The following CTNS variants were observed in gnomAD, a reference collection of about 807,000 sequenced individuals.
CTNS encodes cystinosin.
In CTNS, 27 loss-of-function variants were observed where a neutral mutation model predicts 43.7. The observed-to-expected ratio is 0.62, with a 90% CI of 0.46 to 0.85. CTNS has a LOEUF of 0.85. Among genes scored for constraint, CTNS ranks in the 40% least tolerant of loss-of-function variants. The pLI is 0.00. For synonymous variants in CTNS, 187 were observed against 190.6 expected (o/e 0.98, Z 0.16); for missense variants, 457 against 475.4 (o/e 0.96, Z 0.36).
intron 7 of CTNS, 104 bp downstream of exon 7, chr17:3,655,456 CTGTCTGCCTACCCTTT>C: frequency 2.0e-6 from 3 of 1,526,510 alleles, no homozygotes; most frequent in Non-Finnish European, 2.7e-6. Context: ...CTCTACCCTT[CTGTCTGCCTACCCTTT>C]CCAGAAAGTT....
Position 3,662,596 on chromosome 17 carries a change from G to A in CTNS, c.*2227G>A, listed in dbSNP as rs1255090709. 6.6e-6 allele frequency among the ~76,000 whole-genome samples: 1 copy of A among 152,158 alleles called. No homozygotes were observed. The highest frequency in any genetic ancestry group is 1.5e-5 in the Non-Finnish European group (1 of 68,012). ...CCCAGGTGGGAGCTGAGGCTAGGTT[G>A]CAAAAAGGAGGTTGGGAGCAAGTAG... On this transcript the variant is annotated 3_prime_UTR_variant, in exon 12 of 12. Coordinates refer to ENST00000046640, the MANE Select transcript of CTNS (RefSeq NM_004937.3).
chr17:3,641,359 C>T (rs9904721), intron 3 of CTNS, among the ~76,000 whole-genome samples: 561 of 21,086 alleles, frequency 0.027, 44 homozygotes, highest in South Asian at 0.12. Context: ...AAATCAGATA[C>T]ATATATATAT....
At chr17:3,655,503 A>C in intron 7 of CTNS, 151 bp downstream of exon 7, 2 of 1,191,474 alleles carry the variant, frequency 1.7e-6, no homozygotes, top group Non-Finnish European at 2.4e-6. Flanking sequence ...GAAGGCTCGG[A>C]GAGCCTGGGT....
intron 4 of CTNS, among the ~76,000 whole-genome samples, chr17:3,648,379 A>C (rs1049107980): frequency 1.6e-4 from 25 of 152,360 alleles, no homozygotes; most frequent in South Asian, 1.4e-3. Flanking sequence ...GCCAGGGCCC[A>C]GAAGACGGCT....
chr17:3,660,787 A>G lies in CTNS; in HGVS notation c.*418A>G. On this transcript the variant is annotated 3_prime_UTR_variant, in exon 12 of 12. Coordinates refer to ENST00000046640, the MANE Select transcript of CTNS (RefSeq NM_004937.3). Reference sequence around the variant, plus strand: ...TTTGCTGCCACCGCTGCATTCCCAGAGATCAAGCAGCCCGGTGCCGTGGCC... The same window carrying G: ...TTTGCTGCCACCGCTGCATTCCCAGGGATCAAGCAGCCCGGTGCCGTGGCC... 1 of 1,611,670 alleles carries G rather than the reference A, an allele frequency of 6.2e-7. No homozygotes were observed. Among genetic ancestry groups the G allele is most frequent in the Non-Finnish European group, 8.5e-7 (1 of 1,179,510 alleles).
chr17:3,636,672 C>A (rs994546048), upstream of CTNS: 1 of 159,386 alleles, frequency 6.3e-6, no homozygotes, highest in African/African-American at 2.4e-5. Flanking sequence ...CTCATCTCGC[C>A]GAGATCCGGC....
intron 3 of CTNS, among the ~76,000 whole-genome samples, chr17:3,646,292 CT>C (rs35737682): frequency 3.4e-4 from 47 of 137,178 alleles, no homozygotes; most frequent in African/African-American, 4.5e-4. Flanking sequence ...GGTTTTCTTT[CT>C]TTTTTTTTTT....
intron 7 of CTNS, chr17:3,655,588 G>A (rs367836056): frequency 3.0e-4 from 166 of 546,794 alleles, no homozygotes; most frequent in Admixed American, 5.6e-4. Flanking sequence ...ACAGGGAAAA[G>A]GGGCTCCTTA....
chr17:3,661,469 A>T lies in CTNS; in HGVS notation c.*1100A>T, dbSNP rs772836142. On this transcript the variant is annotated 3_prime_UTR_variant, in exon 12 of 12. Transcript: ENST00000046640. Reference sequence around the variant, plus strand: ...ATACATGACTTGAGCTTGTCAGTCCACTGAGTTTCCTTCTACGAGATCAAC... The same window carrying T: ...ATACATGACTTGAGCTTGTCAGTCCTCTGAGTTTCCTTCTACGAGATCAAC... 1.3e-5 allele frequency: 2 copies of T among 152,328 alleles called. No individual in the cohort carries two copies. Among genetic ancestry groups the T allele is most frequent in the Non-Finnish European group, 2.9e-5 (2 of 68,392 alleles). The allele number at this position is 152,328 out of a possible 1,614,324, so 9.4% of individuals were successfully genotyped here. A position where few individuals can be genotyped will look rare whatever the true frequency, so the allele number is the denominator to read the frequency against.
chr17:3,655,484 TC>T, intron 7 of CTNS, 132 bp downstream of exon 7: 1 of 1,407,816 alleles, frequency 7.1e-7, no homozygotes, highest in Non-Finnish European at 9.9e-7. Context: ...CAGAAAGTTG[TC>T]CCAGTGCGAA....
In CTNS at chr17:3,660,678, C is replaced by T. The variant is rs1365081249; in HGVS notation, c.*309C>T. ...CAGGCAGGACTGGGCACCAAGCTTG[C>T]AGCCGAAGGCCTTGCCCCAAACTAC... On this transcript the variant is annotated 3_prime_UTR_variant, in exon 12 of 12. Coordinates refer to ENST00000046640, the MANE Select transcript of CTNS (RefSeq NM_004937.3). The T allele has an allele frequency of 1.9e-6, 3 of 1,613,526 alleles. No homozygotes were observed. Among genetic ancestry groups the T allele is most frequent in the East Asian group, 4.5e-5 (2 of 44,876 alleles).
chr17:3,650,472 A>C (rs116953803), intron 5 of CTNS: 10,620 of 923,368 alleles, frequency 0.012, 94 homozygotes, highest in Non-Finnish European at 0.014. Flanking sequence ...TTGGAGCAAG[A>C]CTCTGTCTCT....
Position 3,662,284 on chromosome 17 carries a change from C to G in CTNS, c.*1915C>G, listed in dbSNP as rs888497801. On this transcript the variant is annotated 3_prime_UTR_variant, in exon 12 of 12. Coordinates refer to ENST00000046640, the MANE Select transcript of CTNS (RefSeq NM_004937.3). ...GAAGATCACGCCATTGCACTCCAGC[C>G]TGGGCAACAAGAACGAAACTCCATC... 6.6e-6 allele frequency among the ~76,000 whole-genome samples: 1 copy of G among 150,780 alleles called. No individual in the cohort carries two copies. The highest frequency in any genetic ancestry group is 1.5e-5 in the Non-Finnish European group (1 of 67,808).
intron 3 of CTNS, among the ~76,000 whole-genome samples, chr17:3,646,396 C>T (rs747747674): frequency 6.7e-6 from 1 of 149,380 alleles, no homozygotes; most frequent in Non-Finnish European, 1.5e-5. Context: ...TCAAGCAGTT[C>T]TCTGCCTCAG....
rs1422678059 is a variant in CTNS, at chr17:3,660,355, G to A, written c.1090G>A (p.Asp364Asn). 6.2e-7 allele frequency: 1 copy of A among 1,614,184 alleles called. No individual in the cohort carries two copies. The highest frequency in any genetic ancestry group is 1.3e-5 in the African/African-American group (1 of 75,072). The change falls in exon 12 of 12, where the codon GAC (aspartate) becomes AAC (asparagine). Residue 364 changes from aspartate (D) to asparagine (N), a missense_variant. By Grantham distance (23) the Asp-to-Asn change is conservative. Transcript: ENST00000046640. ...FCLYRKRPGYDQLN is the reference protein window; with the variant it reads ...FCLYRKRPGYNQLN ...TTTGTACAGAAAGAGACCGGGGTAT[G>A]ACCAGCTGAACTAGCACCCAGGGAC...
chr17:3,643,822 C>T (rs1017198170), intron 3 of CTNS, among the ~76,000 whole-genome samples: 1 of 152,182 alleles, frequency 6.6e-6, no homozygotes, highest in African/African-American at 2.4e-5. Context: ...CCGCCTCAGC[C>T]TCCCAAAGTG....
In CTNS at chr17:3,656,959, A is replaced by G; in HGVS notation, c.681+164A>G. On this transcript the variant is annotated intron_variant, in intron 9 of 11. Transcript: ENST00000046640. ...GACACCCATGAGTCCAGGCCCTCAG[A>G]GCCCCCCAAGTCTGGGGTGAGGGAC... is the stretch of plus-strand genomic sequence containing the variant. 1.8e-6 allele frequency: 2 copies of G among 1,125,164 alleles called. 1 individual carries two copies. The highest frequency in any genetic ancestry group is 2.5e-6 in the Non-Finnish European group (2 of 786,298). 69.7% of individuals were successfully genotyped at this position (1,125,164 alleles called of 1,614,324 possible).
chr17:3,660,234 AGACCAGTG>A lies in CTNS; in HGVS notation c.973_980del (p.Gln325AlafsTer37). The A allele has an allele frequency of 1.2e-6, 2 of 1,614,218 alleles. No homozygotes were observed. The highest frequency in any genetic ancestry group is 1.7e-6 in the Non-Finnish European group (2 of 1,180,040). ...CAGCTTCTGTCCCCCGGCTGCTAACAGACCAGTGGACGCTGATCTTCGGAGACCCAACC... is the reference window on the plus strand; with the variant it reads ...CAGCTTCTGTCCCCCGGCTGCTAACAGACGCTGATCTTCGGAGACCCAACC... On this transcript the variant is annotated splice_acceptor_variant and coding_sequence_variant, in exon 12 of 12. Coordinates refer to ENST00000046640, the MANE Select transcript of CTNS (RefSeq NM_004937.3). LOFTEE classifies it high-confidence loss of function.
rs2075964399 is a variant in CTNS at position 3,650,871 on chromosome 17, C to G, written c.225+1940C>G. 1.3e-5 allele frequency among the ~76,000 whole-genome samples: 2 copies of G among 152,194 alleles called. 1 individual carries two copies. Among genetic ancestry groups the G allele is most frequent in the South Asian group, 4.1e-4 (2 of 4,830 alleles). ...AGGTTGGAGTAAAGTGGCGCAATCT[C>G]AGCTCCCTGCAACCTCTGCCTCCTG... On this transcript the variant is annotated intron_variant, in intron 5 of 11. Coordinates refer to ENST00000046640, the MANE Select transcript of CTNS (RefSeq NM_004937.3).
Sources: allele counts gnomAD v4.1 joint callset (sites outside exome capture counted in the v4.1 genomes callset), GRCh38; gene constraint gnomAD v4.1.1; transcripts MANE v1.5; gene names NCBI Gene and HGNC (gene_info 2026-07-23, HGNC 2026-07-21).